LDLRAD4: variants seen among roughly 807,000 people sequenced by gnomAD.
LDLRAD4 encodes low density lipoprotein receptor class A domain containing 4.
A neutral mutation model predicts 17.0 loss-of-function variants in LDLRAD4; 5 were observed. That is an observed-to-expected ratio of 0.29 (90% CI 0.15 to 0.62). The LOEUF (loss-of-function observed/expected upper bound fraction) is 0.62. LDLRAD4 is among the 20% of genes least tolerant of loss of function. The pLI, the probability that LDLRAD4 is intolerant of heterozygous loss-of-function variation, is 0.84. For missense variants in LDLRAD4, 340 were observed against 424.7 expected (o/e 0.80, Z 1.75); for synonymous variants, 168 against 171.8 (o/e 0.98, Z 0.17).
chr18:13,543,023 T>A (rs975851894), intron 3 of LDLRAD4: 4 of 152,188 alleles, frequency 2.6e-5, no homozygotes, highest in African/African-American at 9.7e-5. Flanking sequence ...TTACAGGCAT[T>A]TTTTACACCT....
intron 3 of LDLRAD4, among the ~76,000 whole-genome samples, chr18:13,607,006 G>A (rs1431377918): frequency 6.6e-6 from 1 of 152,134 alleles, no homozygotes; most frequent in Non-Finnish European, 1.5e-5. Context: ...CCAAAAAATC[G>A]GGTAATCAGG....
chr18:13,470,898 G>C (rs1170553168), intron 3 of LDLRAD4: 1 of 151,928 alleles, frequency 6.6e-6, no homozygotes, highest in Non-Finnish European at 1.5e-5. Context: ...TGCCTAGCAG[G>C]GGTCTTTGTG....
chr18:13,269,788 A>G (rs1263111099), intron 1 of LDLRAD4, among the ~76,000 whole-genome samples: 1 of 151,800 alleles, frequency 6.6e-6, no homozygotes, highest in Admixed American at 6.6e-5. Flanking sequence ...TCATTCTCAA[A>G]CTCAGTGTCC....
At chr18:13,350,435 G>A (rs1342636458) in intron 1 of LDLRAD4, among the ~76,000 whole-genome samples, 1 of 152,196 alleles carries the variant, frequency 6.6e-6, no homozygotes, top group African/African-American at 2.4e-5. Context: ...CTTCTTTTGA[G>A]AAGTGTCTGT....
At chr18:13,344,971 G>A (rs949490519) in intron 1 of LDLRAD4, among the ~76,000 whole-genome samples, 6 of 152,274 alleles carry the variant, frequency 3.9e-5, no homozygotes, top group Non-Finnish European at 8.8e-5. Context: ...TCAGCTTAAG[G>A]AGATTTTGTT....
chr18:13,237,256 C>T (rs972776747), intron 1 of LDLRAD4, among the ~76,000 whole-genome samples: 3 of 152,176 alleles, frequency 2.0e-5, no homozygotes, highest in Non-Finnish European at 4.4e-5. Flanking sequence ...CGCAGGTGCC[C>T]GCTGGGAAAT....
At chr18:13,317,524 T>G (rs531443640) in intron 1 of LDLRAD4, among the ~76,000 whole-genome samples, 1 of 152,378 alleles carries the variant, frequency 6.6e-6, no homozygotes, top group East Asian at 1.9e-4. Context: ...CCTTTATCTT[T>G]TTAATAAATT....
intron 4 of LDLRAD4, among the ~76,000 whole-genome samples, chr18:13,637,871 C>CA (rs555640548): frequency 0.045 from 3,213 of 71,660 alleles, 95 homozygotes; most frequent in African/African-American, 0.11. Flanking sequence ...GTCTCAACAA[C>CA]AAAAAAAAAA....
intron 3 of LDLRAD4, among the ~76,000 whole-genome samples, chr18:13,588,771 T>C (rs949880417): frequency 3.3e-5 from 5 of 152,204 alleles, no homozygotes; most frequent in Admixed American, 6.5e-5. Context: ...TTCTTGAAAC[T>C]ATCTTGACCT....
At chr18:13,391,928 C>T (rs1421764454) in intron 2 of LDLRAD4, among the ~76,000 whole-genome samples, 3 of 152,026 alleles carry the variant, frequency 2.0e-5, no homozygotes, top group Admixed American at 2.0e-4. Flanking sequence ...AAATTGTGTT[C>T]CTGTTGTTGG....
chr18:13,330,934 A>T (rs2081828496), intron 1 of LDLRAD4, among the ~76,000 whole-genome samples: 1 of 152,232 alleles, frequency 6.6e-6, no homozygotes, highest in Non-Finnish European at 1.5e-5. Context: ...GAGCTTCTGG[A>T]TAGCTAAACA....
intron 3 of LDLRAD4, chr18:13,526,034 C>T (rs926442644): frequency 2.6e-5 from 4 of 152,246 alleles, no homozygotes; most frequent in African/African-American, 7.2e-5. Flanking sequence ...TGGACTCAGT[C>T]GCGATTTGGG....
intron 1 of LDLRAD4, among the ~76,000 whole-genome samples, chr18:13,340,530 A>T (rs558034775): frequency 6.6e-6 from 1 of 152,074 alleles, no homozygotes; most frequent in African/African-American, 2.4e-5. Context: ...TCATTTGTGT[A>T]TCTTCTTTGG....
chr18:13,358,298 CTGTT>C (rs1270551676), intron 1 of LDLRAD4, among the ~76,000 whole-genome samples: 2 of 151,500 alleles, frequency 1.3e-5, no homozygotes, highest in East Asian at 1.9e-4. Context: ...ATCTATCTAT[CTGTT>C]TATCGATATA....
chr18:13,347,860 G>A (rs921766571), intron 1 of LDLRAD4, among the ~76,000 whole-genome samples: 4 of 152,030 alleles, frequency 2.6e-5, no homozygotes, highest in Non-Finnish European at 4.4e-5. Flanking sequence ...CCAGTTGATC[G>A]AATCAGCTAC....
intron 1 of LDLRAD4, among the ~76,000 whole-genome samples, chr18:13,254,128 C>G (rs770360520): frequency 2.0e-5 from 3 of 152,234 alleles, no homozygotes; most frequent in Non-Finnish European, 2.9e-5. Context: ...CCAGGGATTT[C>G]TGGAGGCAGG....
chr18:13,384,234 C>T (rs1380053674), intron 1 of LDLRAD4, among the ~76,000 whole-genome samples: 2 of 152,192 alleles, frequency 1.3e-5, no homozygotes, highest in African/African-American at 4.8e-5. Context: ...CAGTCTTTCC[C>T]ATAGCCTTTT....
At chr18:13,602,305 C>G (rs893421833) in intron 3 of LDLRAD4, among the ~76,000 whole-genome samples, 1 of 152,040 alleles carries the variant, frequency 6.6e-6, no homozygotes, top group Non-Finnish European at 1.5e-5. Flanking sequence ...ACCCCCGAAC[C>G]TGATACTAAA....
At chr18:13,217,987 G>C (rs914662308), upstream of LDLRAD4, 44 of 150,664 alleles carry the variant, frequency 2.9e-4, 1 homozygote, top group Middle Eastern at 0.014. This position sits in a 1 kb window ranked among gnomAD's most constrained non-coding sequence, Gnocchi z 4.9. Context: ...CCCGCCGCGC[G>C]CCCCCTGCCG....
Sources: allele counts gnomAD v4.1 joint callset (sites outside exome capture counted in the v4.1 genomes callset), GRCh38; gene constraint gnomAD v4.1.1; non-coding constraint Gnocchi (gnomAD v3.1); transcripts MANE v1.5; gene names NCBI Gene and HGNC (gene_info 2026-07-23, HGNC 2026-07-21).